Variants in PGLYRP1 observed in about 807,000 individuals in gnomAD.
The protein encoded by PGLYRP1 is TNF superfamily, member 3 (LTB)-like (peptidoglycan recognition protein).
In PGLYRP1, 18 loss-of-function variants were observed where a neutral mutation model predicts 16.3. The ratio of observed to expected loss-of-function variants is 1.11; its 90% CI spans 0.77 to 1.64. The LOEUF (loss-of-function observed/expected upper bound fraction) is 1.64, where lower values mean the gene tolerates loss of function less well. Ranked by LOEUF, PGLYRP1 falls within the 40% of genes most tolerant of loss-of-function variation. The probability of loss-of-function intolerance (pLI) is 0.00; values close to 1 mark genes in which losing one functional copy is unlikely to be tolerated. For missense variants in PGLYRP1, 261 were observed against 268.6 expected (o/e 0.97, Z 0.20); for synonymous variants, 89 against 105.7 (o/e 0.84, Z 0.97).
At chr19:46,022,585 A>G (rs1969056669) in intron 1 of PGLYRP1, 150 bp downstream of exon 1, 1 of 824,004 alleles carries the variant, frequency 1.2e-6, no homozygotes, top group East Asian at 2.7e-5. Flanking sequence ...TGACCCGAGG[A>G]AGAAATGACC....
At chr19:46,021,738 G>A (rs1043851911) in intron 1 of PGLYRP1, among the ~76,000 whole-genome samples, 14 of 152,158 alleles carry the variant, frequency 9.2e-5, no homozygotes, top group African/African-American at 2.7e-4. Flanking sequence ...CTCCCATCTC[G>A]GAGTAAAAGC....
Position 46,022,767 on chromosome 19 carries a change from C to T in PGLYRP1, c.255G>A (p.Met85Ile). 6.2e-7 allele frequency: 1 copy of T among 1,614,224 alleles called. No individual in the cohort carries two copies. The highest frequency in any genetic ancestry group is 8.5e-7 in the Non-Finnish European group (1 of 1,180,036). The change falls in exon 1 of 3, where the codon ATG becomes ATA. Residue 85 changes from methionine to isoleucine, a missense_variant. Coordinates refer to ENST00000008938, the MANE Select transcript of PGLYRP1 (RefSeq NM_005091.3). ...CCACGTCGCACCAGCCCAGTGTCTTCATGTGGTAGTGCTGCACATTCCGGG... is the reference window on the plus strand; with the variant it reads ...CCACGTCGCACCAGCCCAGTGTCTTTATGTGGTAGTGCTGCACATTCCGGG... ...QQARNVQHYH[M>I]KTLGWCDVGY...
In PGLYRP1 at chr19:46,022,894, G is replaced by T; in HGVS notation, c.128C>A (p.Ala43Glu). 6.2e-7 allele frequency: 1 copy of T among 1,613,282 alleles called. No individual in the cohort carries two copies. Among genetic ancestry groups the T allele is most frequent in the Non-Finnish European group, 8.5e-7 (1 of 1,179,684 alleles). The change falls in exon 1 of 3, where the codon GCA becomes GAA. Residue 43 changes from alanine (A) to glutamate (E), a missense_variant. By Grantham distance (107) the Ala-to-Glu change is moderately radical (BLOSUM62 -1). Transcript: ENST00000008938. Reference protein sequence around the residue: ...IVPRNEWKALASECAQHLSLP... With the variant: ...IVPRNEWKALESECAQHLSLP... ...GCTCAGGTGCTGGGCGCACTCTGAT[G>T]CCAGGGCCTTCCACTCGTTCCGGGG...
At position 46,019,293 on chromosome 19, in the gene PGLYRP1, G is replaced by A. The variant is rs781260427; in HGVS notation, c.536C>T (p.Pro179Leu). The change falls in exon 3 of 3, where the codon CCA becomes CTA. Residue 179 changes from proline to leucine, a missense_variant. Pro to Leu is a moderately conservative substitution (Grantham distance 98). Transcript: ENST00000008938. This position sits in a 1 kb window ranked among gnomAD's most constrained non-coding sequence, Gnocchi z 4.8. The stretch of plus-strand genomic sequence containing the variant: ...GATGAGGTGGTAGAGCTGGTTGCCT[G>A]GAGAGAGTGTACGCTGCACATCCCG... ...GHRDVQRTLS[P>L]GNQLYHLIQN... 3 of 1,613,810 alleles carry A rather than the reference G, an allele frequency of 1.9e-6. No individual in the cohort carries two copies. The African/African-American group carries it at 4.0e-5, about 22-fold the overall frequency.
rs1969025908 is a variant in PGLYRP1, at chr19:46,019,912, A to G, written c.288-265T>C. On this transcript the variant is annotated intron_variant, in intron 1 of 2. Transcript: ENST00000008938. The surrounding 1 kb of genome is among the most constrained non-coding windows in gnomAD (Gnocchi z 4.8). ...AGTCACTATCACCCCCGTTTTATAT[A>G]GACAGAATCAGAGCGGTAGAATCAC... Among the ~76,000 whole-genome samples the G allele has an allele frequency of 6.6e-6, 1 of 152,134 alleles. No homozygotes were observed. The highest frequency in any genetic ancestry group is 2.4e-5 in the African/African-American group (1 of 41,410).
chr19:46,019,241 G>T lies in PGLYRP1; in HGVS notation c.588C>A (p.Pro196=). Residue 196 remains proline (P), a synonymous_variant, in exon 3 of 3, where the codon CCC becomes CCA. Coordinates refer to ENST00000008938, the MANE Select transcript of PGLYRP1 (RefSeq NM_005091.3). The surrounding 1 kb of genome is among the most constrained non-coding windows in gnomAD (Gnocchi z 4.8). ...LIQNWPHYRS[P] ...TGGGGTGCGGATCAGCAGGGCCTCAGGGGGAGCGGTAGTGTGGCCAATTCT... is the reference window on the plus strand; with the variant it reads ...TGGGGTGCGGATCAGCAGGGCCTCATGGGGAGCGGTAGTGTGGCCAATTCT... 6.2e-7 allele frequency: 1 copy of T among 1,613,580 alleles called. No individual in the cohort carries two copies. Among genetic ancestry groups the T allele is most frequent in the Non-Finnish European group, 8.5e-7 (1 of 1,179,652 alleles).
In PGLYRP1 at chr19:46,019,313, A is replaced by G; in HGVS notation, c.516T>C (p.Asp172=). 3 of 1,613,936 alleles carry G rather than the reference A, an allele frequency of 1.9e-6. No homozygotes were observed. The highest frequency in any genetic ancestry group is 2.5e-6 in the Non-Finnish European group (3 of 1,179,950). ...TGCCTGGAGAGAGTGTACGCTGCAC[A>G]TCCCGGTGTCCTTTGAGCACATAGT... is the stretch of plus-strand genomic sequence containing the variant. ...RSNYVLKGHR[D]VQRTLSPGNQ... The change falls in exon 3 of 3, where the codon GAT becomes GAC. Residue 172 remains aspartate (D), a synonymous_variant. Transcript: ENST00000008938. This position sits in a 1 kb window ranked among gnomAD's most constrained non-coding sequence, Gnocchi z 4.8.
chr19:46,021,717 G>A (rs1470742857), intron 1 of PGLYRP1, among the ~76,000 whole-genome samples: 1 of 152,172 alleles, frequency 6.6e-6, no homozygotes, highest in African/African-American at 2.4e-5. Context: ...GCGGGGGGAA[G>A]CCTCCCATGG....
intron 1 of PGLYRP1, among the ~76,000 whole-genome samples, chr19:46,020,204 G>A (rs1399200992): frequency 6.6e-6 from 1 of 151,460 alleles, no homozygotes; most frequent in Admixed American, 6.6e-5. Flanking sequence ...TGCCTCCTGG[G>A]TTCAAGTGAT....
chr19:46,021,719 C>A (rs987067011), intron 1 of PGLYRP1, among the ~76,000 whole-genome samples: 2 of 152,190 alleles, frequency 1.3e-5, no homozygotes, highest in African/African-American at 4.8e-5. Context: ...GGGGGGAAGC[C>A]TCCCATGGCT....
intron 1 of PGLYRP1, among the ~76,000 whole-genome samples, chr19:46,020,668 C>A (rs1432591901): frequency 6.6e-6 from 1 of 152,176 alleles, no homozygotes; most frequent in African/African-American, 2.4e-5. Context: ...AAGGCTGATT[C>A]ATTCAGCACA....
At chr19:46,020,651 G>T (rs964102294) in intron 1 of PGLYRP1, among the ~76,000 whole-genome samples, 2 of 152,318 alleles carry the variant, frequency 1.3e-5, no homozygotes, top group South Asian at 2.1e-4. Context: ...CCTGGCAGCA[G>T]ATCCTTAAGG....
chr19:46,019,501 C>T lies in PGLYRP1; in HGVS notation c.409+25G>A. The T allele has an allele frequency of 6.2e-7, 1 of 1,613,334 alleles. No homozygotes were observed. The highest frequency in any genetic ancestry group is 1.3e-5 in the African/African-American group (1 of 74,996). On this transcript the variant is annotated intron_variant, in intron 2 of 2. Coordinates refer to ENST00000008938, the MANE Select transcript of PGLYRP1 (RefSeq NM_005091.3). The surrounding 1 kb of genome is among the most constrained non-coding windows in gnomAD (Gnocchi z 4.8). ...CGTAGGGCCCCGTGTCAGCCCCCAT[C>T]CCAACTGGCTGGACAGTCACTCACC...
At position 46,019,310 on chromosome 19, in the gene PGLYRP1, C is replaced by T. The variant is rs759416080; in HGVS notation, c.519G>A (p.Val173=). 1.2e-6 allele frequency: 2 copies of T among 1,613,856 alleles called. No individual in the cohort carries two copies. Among genetic ancestry groups the T allele is most frequent in the South Asian group, 2.2e-5 (2 of 91,062 alleles). ...SNYVLKGHRD[V]QRTLSPGNQL... ...GGTTGCCTGGAGAGAGTGTACGCTG[C>T]ACATCCCGGTGTCCTTTGAGCACAT... The change falls in exon 3 of 3, where the codon GTG becomes GTA. Residue 173 remains valine, a synonymous_variant. Coordinates refer to ENST00000008938, the MANE Select transcript of PGLYRP1 (RefSeq NM_005091.3). This position sits in a 1 kb window ranked among gnomAD's most constrained non-coding sequence, Gnocchi z 4.8.
At position 46,021,155 on chromosome 19, in the gene PGLYRP1, G is replaced by A. The variant is rs573988820; in HGVS notation, c.288-1508C>T. Reference sequence around the variant, plus strand: ...GATTCAGAACGTTAGAACCAGATTCGGAATCCTAAAAGCTGAGGGCCAGAC... The same window carrying A: ...GATTCAGAACGTTAGAACCAGATTCAGAATCCTAAAAGCTGAGGGCCAGAC... On this transcript the variant is annotated intron_variant, in intron 1 of 2. Transcript: ENST00000008938. 30 of 152,386 alleles carry A rather than the reference G, an allele frequency of 2.0e-4. No individual in the cohort carries two copies. In the East Asian group the frequency reaches 5.4e-3, roughly 27 times the overall value. The allele number at this position is 152,386 out of a possible 1,614,324, so 9.4% of individuals were successfully genotyped here. A position where few individuals can be genotyped will look rare whatever the true frequency, so the allele number is the denominator to read the frequency against.
rs1969025582 is a variant in PGLYRP1 at position 46,019,896 on chromosome 19, C to T, written c.288-249G>A. Among the ~76,000 whole-genome samples, 1 of 152,196 alleles carries T rather than the reference C, an allele frequency of 6.6e-6. No homozygotes were observed. The highest frequency in any genetic ancestry group is 2.1e-4 in the South Asian group (1 of 4,826). ...TCACAGCAACCCTGTGAGTCACTATCACCCCCGTTTTATATAGACAGAATC... is the reference window on the plus strand; with the variant it reads ...TCACAGCAACCCTGTGAGTCACTATTACCCCCGTTTTATATAGACAGAATC... On this transcript the variant is annotated intron_variant, in intron 1 of 2. Transcript: ENST00000008938. This position sits in a 1 kb window ranked among gnomAD's most constrained non-coding sequence, Gnocchi z 4.8.
Position 46,022,405 on chromosome 19 carries a change from AG to A in PGLYRP1, c.287+329del, listed in dbSNP as rs369797954. 2.3e-4 allele frequency among the ~76,000 whole-genome samples: 35 copies of A among 152,342 alleles called. No individual in the cohort carries two copies. In the East Asian group the frequency reaches 5.4e-3, roughly 24 times the overall value. ...AGCCTGGTTTTCCGCCTCCTAACAA[AG>A]GCACCAGGCATCAGGAAGGGGCGCC... On this transcript the variant is annotated intron_variant, in intron 1 of 2. Transcript: ENST00000008938.
chr19:46,019,367 G>T lies in PGLYRP1; in HGVS notation c.462C>A (p.Cys154Ter), dbSNP rs758897367. The T allele has an allele frequency of 1.2e-6, 2 of 1,613,730 alleles. No homozygotes were observed. Among genetic ancestry groups the T allele is most frequent in the Non-Finnish European group, 1.7e-6 (2 of 1,179,924 alleles). Residue 154 changes from cysteine (C) to a stop codon, truncating the protein, a stop_gained, in exon 3 of 3, where the codon TGC (cysteine) becomes TGA (stop). Transcript: ENST00000008938. LOFTEE classifies it low-confidence loss of function (END_TRUNC). The surrounding 1 kb of genome is among the most constrained non-coding windows in gnomAD (Gnocchi z 4.8). ...ACCTCAGGGCTCCCTGAGCCACACC[G>T]CAGGCCAGTAGACCCTGGGCTGCCC... ...AIRAAQGLLA[C>*]GVAQGALRSN...
chr19:46,022,683 A>C (rs1287266157), intron 1 of PGLYRP1, 52 bp downstream of exon 1: 2 of 1,602,642 alleles, frequency 1.2e-6, no homozygotes, highest in Non-Finnish European at 1.7e-6. Flanking sequence ...GCACTTGCAC[A>C]CCTTTGCCTC....
Sources: gnomAD v4.1 joint callset for allele counts (sites outside exome capture counted in the v4.1 genomes callset) on GRCh38, gnomAD v4.1.1 for gene constraint, Gnocchi (gnomAD v3.1) non-coding constraint, MANE v1.5 for transcripts, NCBI Gene and HGNC (gene_info 2026-07-23, HGNC 2026-07-21) for gene names.